SMIM5: variants seen among roughly 807,000 people sequenced by gnomAD.
The protein encoded by SMIM5 is chromosome 17 open reading frame 109.
Under a neutral mutation model 4.0 loss-of-function variants are expected in SMIM5, and 4 were observed. The ratio of observed to expected loss-of-function variants is 1.01; its 90% CI spans 0.50 to 2.30. The LOEUF (loss-of-function observed/expected upper bound fraction) is 2.30. Among genes scored for constraint, SMIM5 ranks in the 30% most tolerant of loss-of-function variants. The pLI, the probability that SMIM5 is intolerant of heterozygous loss-of-function variation, is 0.02. For synonymous variants in SMIM5, 46 were observed against 43.6 expected (o/e 1.05, Z -0.22); for missense variants, 107 against 99.2 (o/e 1.08, Z -0.34).
chr17:75,635,935 G>A, intron 1 of SMIM5: 14 of 867,928 alleles, frequency 1.6e-5, no homozygotes, highest in African/African-American at 1.8e-5. Flanking sequence ...TGGCCTGCGG[G>A]ATGCCTGCCT....
At position 75,640,077 on chromosome 17, in the gene SMIM5, C is replaced by T. The variant is rs902812261; in HGVS notation, c.-36-89C>T. Reference sequence around the variant, plus strand: ...AGACCTGACAAACTTGTTCTGCGGGCTGCGGATGGGTGCGAGGGTGGAATC... The same window carrying T: ...AGACCTGACAAACTTGTTCTGCGGGTTGCGGATGGGTGCGAGGGTGGAATC... On this transcript the variant is annotated intron_variant, in intron 1 of 2. Coordinates refer to ENST00000375215, the MANE Select transcript of SMIM5 (RefSeq NM_001162995.3). The surrounding 1 kb of genome is among the most constrained non-coding windows in gnomAD (Gnocchi z 4.6). 3 of 1,335,024 alleles carry T rather than the reference C, an allele frequency of 2.2e-6. No homozygotes were observed. The highest frequency in any genetic ancestry group is 3.0e-5 in the African/African-American group (2 of 67,482). 82.7% of individuals were successfully genotyped at this position (1,335,024 alleles called of 1,614,324 possible).
Position 75,634,065 on chromosome 17 carries a change from C to G in SMIM5, c.-174C>G. On this transcript the variant is annotated 5_prime_UTR_variant, in exon 1 of 3. Coordinates refer to ENST00000375215, the MANE Select transcript of SMIM5 (RefSeq NM_001162995.3). Reference sequence around the variant, plus strand: ...CAACAACAAAAAAGCCAGGCAGAGACAGCAGCTGGCTGTCAGCAGAGGAGC... The same window carrying G: ...CAACAACAAAAAAGCCAGGCAGAGAGAGCAGCTGGCTGTCAGCAGAGGAGC... The G allele has an allele frequency of 1.0e-6, 1 of 985,608 alleles. No homozygotes were observed. Among genetic ancestry groups the G allele is most frequent in the Non-Finnish European group, 1.2e-6 (1 of 830,058 alleles). 61.1% of individuals were successfully genotyped at this position (985,608 alleles called of 1,614,324 possible).
chr17:75,640,117 A>AGT lies in SMIM5; in HGVS notation c.-36-45_-36-44dup. The AGT allele has an allele frequency of 6.9e-7, 1 of 1,441,906 alleles. No individual in the cohort carries two copies. The highest frequency in any genetic ancestry group is 9.1e-7 in the Non-Finnish European group (1 of 1,099,954). The allele number at this position is 1,441,906 out of a possible 1,614,324, so 89.3% of individuals were successfully genotyped here. ...AGGGTGGAATCTCGGTGCTGCGACG[A>AGT]GTGTGGGGCCAGCCGTGGAGGCTCC... is the stretch of plus-strand genomic sequence containing the variant. On this transcript the variant is annotated intron_variant, in intron 1 of 2. Transcript: ENST00000375215. The surrounding 1 kb of genome is among the most constrained non-coding windows in gnomAD (Gnocchi z 4.6).
In SMIM5 at chr17:75,633,529, C is replaced by A; in HGVS notation, c.-710C>A. ...CAGGTCACTCAGGATTCCAAGTTCT[C>A]CCCCAAGACGCCTTCAGATGCTGAG... On this transcript the variant is annotated 5_prime_UTR_variant, in exon 1 of 3. Transcript: ENST00000375215. 7.8e-7 allele frequency: 1 copy of A among 1,286,800 alleles called. No individual in the cohort carries two copies. The allele number at this position is 1,286,800 out of a possible 1,614,324, so 79.7% of individuals were successfully genotyped here.
chr17:75,634,363 A>C, intron 1 of SMIM5, 161 bp downstream of exon 1: 2 of 545,918 alleles, frequency 3.7e-6, no homozygotes, highest in Non-Finnish European at 4.7e-6. Flanking sequence ...TCCTGCACAC[A>C]CCTGCACTCT....
intron 1 of SMIM5, chr17:75,637,975 G>A (rs1262825921): frequency 6.6e-6 from 1 of 152,260 alleles, no homozygotes; most frequent in East Asian, 1.9e-4. Context: ...TAGAAGGAAG[G>A]AGGCGGGAGC....
Position 75,640,389 on chromosome 17 carries a change from G to A in SMIM5, c.127+61G>A, listed in dbSNP as rs904365151. Reference sequence around the variant, plus strand: ...TGGCATCTGGGAGAGACCACACCATGGTGCCAGCCAGAGGGCTGGCAGAGG... The same window carrying A: ...TGGCATCTGGGAGAGACCACACCATAGTGCCAGCCAGAGGGCTGGCAGAGG... On this transcript the variant is annotated intron_variant, in intron 2 of 2. Transcript: ENST00000375215. This position sits in a 1 kb window ranked among gnomAD's most constrained non-coding sequence, Gnocchi z 4.6. 6.8e-7 allele frequency: 1 copy of A among 1,468,902 alleles called. No individual in the cohort carries two copies. The highest frequency in any genetic ancestry group is 9.0e-7 in the Non-Finnish European group (1 of 1,105,540). 91.0% of individuals were successfully genotyped at this position (1,468,902 alleles called of 1,614,324 possible).
Position 75,640,206 on chromosome 17 carries a change from C to T in SMIM5, c.5C>T (p.Ala2Val). 1 of 1,547,794 alleles carries T rather than the reference C, an allele frequency of 6.5e-7. No individual in the cohort carries two copies. Residue 2 changes from alanine to valine, a missense_variant, in exon 2 of 3, where the codon GCT becomes GTT. Coordinates refer to ENST00000375215, the MANE Select transcript of SMIM5 (RefSeq NM_001162995.3). The surrounding 1 kb of genome is among the most constrained non-coding windows in gnomAD (Gnocchi z 4.6). MAATDFVQEMRA... is the reference protein window; with the variant it reads MVATDFVQEMRA... Reference sequence around the variant, plus strand: ...CCAACAGGAAGCCAGCGCGGCATGGCTGCCACCGACTTCGTGCAGGAGATG... The same window carrying T: ...CCAACAGGAAGCCAGCGCGGCATGGTTGCCACCGACTTCGTGCAGGAGATG...
At position 75,636,672 on chromosome 17, in the gene SMIM5, T is replaced by TATAA. The variant is rs2059327833; in HGVS notation, c.-37+2471_-37+2472insTAAA. ...CGGCTGGAATGCGCCTCCTCCTCTT[T>TATAA]AGAGAACAGGACCCCTCAGCTCCCC... On this transcript the variant is annotated intron_variant, in intron 1 of 2. Coordinates refer to ENST00000375215, the MANE Select transcript of SMIM5 (RefSeq NM_001162995.3). This position sits in a 1 kb window ranked among gnomAD's most constrained non-coding sequence, Gnocchi z 5.4. The TATAA allele has an allele frequency of 6.6e-6, 1 of 152,322 alleles. No homozygotes were observed. The highest frequency in any genetic ancestry group is 1.5e-5 in the Non-Finnish European group (1 of 68,142). 9.4% of individuals were successfully genotyped at this position (152,322 alleles called of 1,614,324 possible).
chr17:75,637,986 G>A (rs932579880), intron 1 of SMIM5: 7 of 152,204 alleles, frequency 4.6e-5, no homozygotes, highest in East Asian at 3.9e-4. Flanking sequence ...AGGCGGGAGC[G>A]GATGATCTAT....
In SMIM5 at chr17:75,640,131, CGT is replaced by C; in HGVS notation, c.-36-33_-36-32del. On this transcript the variant is annotated intron_variant, in intron 1 of 2. Transcript: ENST00000375215. The surrounding 1 kb of genome is among the most constrained non-coding windows in gnomAD (Gnocchi z 4.6). The stretch of plus-strand genomic sequence containing the variant: ...GTGCTGCGACGAGTGTGGGGCCAGC[CGT>C]GGAGGCTCCAGGTGTTCTCTCTGCC... The C allele has an allele frequency of 6.8e-7, 1 of 1,465,602 alleles. No individual in the cohort carries two copies. Among genetic ancestry groups the C allele is most frequent in the East Asian group, 2.5e-5 (1 of 40,122 alleles). 90.8% of individuals were successfully genotyped at this position (1,465,602 alleles called of 1,614,324 possible). A position where few individuals can be genotyped will look rare whatever the true frequency, so the allele number is the denominator to read the frequency against.
At position 75,633,886 on chromosome 17, in the gene SMIM5, G is replaced by T; in HGVS notation, c.-353G>T. Reference sequence around the variant, plus strand: ...CGGGGAGAGGGAGAGGAGGAGGAAGGAGGAGGAGAGAGGGAGCTTGTCTTG... The same window carrying T: ...CGGGGAGAGGGAGAGGAGGAGGAAGTAGGAGGAGAGAGGGAGCTTGTCTTG... On this transcript the variant is annotated 5_prime_UTR_variant, in exon 1 of 3. Transcript: ENST00000375215. 1 of 992,146 alleles carries T rather than the reference G, an allele frequency of 1.0e-6. No individual in the cohort carries two copies. Among genetic ancestry groups the T allele is most frequent in the African/African-American group, 1.7e-5 (1 of 57,480 alleles). The allele number at this position is 992,146 out of a possible 1,614,324, so 61.5% of individuals were successfully genotyped here.
rs1236299470 is a variant in SMIM5 at position 75,640,045 on chromosome 17, ATG to A, written c.-36-116_-36-115del. On this transcript the variant is annotated intron_variant, in intron 1 of 2. Transcript: ENST00000375215. The surrounding 1 kb of genome is among the most constrained non-coding windows in gnomAD (Gnocchi z 4.6). ...CTAGGTGGAAGTCACCAGGGGTGCA[ATG>A]TGTGAGACCTGACAAACTTGTTCTG... The A allele has an allele frequency of 4.0e-5, 42 of 1,056,346 alleles. No homozygotes were observed. Among genetic ancestry groups the A allele is most frequent in the Admixed American group, 1.2e-4 (4 of 32,012 alleles). 65.4% of individuals were successfully genotyped at this position (1,056,346 alleles called of 1,614,324 possible). A position where few individuals can be genotyped will look rare whatever the true frequency, so the allele number is the denominator to read the frequency against.
chr17:75,637,024 G>A (rs1003380902), intron 1 of SMIM5: 6 of 152,256 alleles, frequency 3.9e-5, no homozygotes, highest in African/African-American at 1.4e-4. Context: ...CTGGAGGCCG[G>A]GGTCCACCCG....
chr17:75,634,878 A>C (rs1173789214), intron 1 of SMIM5, among the ~76,000 whole-genome samples: 1 of 152,172 alleles, frequency 6.6e-6, no homozygotes, highest in African/African-American at 2.4e-5. Flanking sequence ...TGAGGCTGGG[A>C]GGGACCACGC....
At chr17:75,635,764 A>G (rs1379653383) in intron 1 of SMIM5, 17 of 983,656 alleles carry the variant, frequency 1.7e-5, no homozygotes, top group Non-Finnish European at 1.8e-5. Flanking sequence ...ACAACAGGGC[A>G]GAGCAAGCAG....
In SMIM5 at chr17:75,634,068, C is replaced by T; in HGVS notation, c.-171C>T. Reference sequence around the variant, plus strand: ...CAACAAAAAAGCCAGGCAGAGACAGCAGCTGGCTGTCAGCAGAGGAGCTGG... The same window carrying T: ...CAACAAAAAAGCCAGGCAGAGACAGTAGCTGGCTGTCAGCAGAGGAGCTGG... On this transcript the variant is annotated 5_prime_UTR_variant, in exon 1 of 3. Transcript: ENST00000375215. The T allele has an allele frequency of 1.0e-6, 1 of 985,632 alleles. No individual in the cohort carries two copies. The highest frequency in any genetic ancestry group is 1.2e-6 in the Non-Finnish European group (1 of 830,060). The allele number at this position is 985,632 out of a possible 1,614,324, so 61.1% of individuals were successfully genotyped here.
Position 75,640,780 on chromosome 17 carries a change from C to G in SMIM5, c.128-11C>G. ...CCAACCTGAGTCCCGTGCTCTCTCCCGGCCCTCCAGCTACTGTTCTGCTGT... is the reference window on the plus strand; with the variant it reads ...CCAACCTGAGTCCCGTGCTCTCTCCGGGCCCTCCAGCTACTGTTCTGCTGT... On this transcript the variant is annotated splice_polypyrimidine_tract_variant and intron_variant, in intron 2 of 2. Transcript: ENST00000375215. The surrounding 1 kb of genome is among the most constrained non-coding windows in gnomAD (Gnocchi z 4.6). 5 of 1,549,396 alleles carry G rather than the reference C, an allele frequency of 3.2e-6. No homozygotes were observed. The South Asian group carries it at 3.6e-5, about 11-fold the overall frequency.
intron 1 of SMIM5, among the ~76,000 whole-genome samples, chr17:75,635,141 G>A (rs754100536): frequency 2.0e-5 from 3 of 152,214 alleles, no homozygotes; most frequent in Admixed American, 2.0e-4. Flanking sequence ...CAATGACCCA[G>A]GGAAATGTGG....
Sources: gnomAD v4.1 joint callset for allele counts (sites outside exome capture counted in the v4.1 genomes callset) on GRCh38, gnomAD v4.1.1 for gene constraint, Gnocchi (gnomAD v3.1) non-coding constraint, MANE v1.5 for transcripts, NCBI Gene and HGNC (gene_info 2026-07-23, HGNC 2026-07-21) for gene names.